The following STK3 variants were observed in gnomAD, a reference collection of about 807,000 sequenced individuals.
The protein encoded by STK3 is serine/threonine-protein kinase 3.
Under a neutral mutation model 58.0 loss-of-function variants are expected in STK3, and 41 were observed. The ratio of observed to expected loss-of-function variants is 0.71; its 90% CI spans 0.55 to 0.92. The LOEUF (loss-of-function observed/expected upper bound fraction) is 0.92, where lower values mean the gene tolerates loss of function less well. Ranked by LOEUF, STK3 falls within the 40% of genes least tolerant of loss-of-function variation. The probability of loss-of-function intolerance (pLI) is 0.00; values close to 1 mark genes in which losing one functional copy is unlikely to be tolerated. For missense variants in STK3, 479 were observed against 602.7 expected, an observed-to-expected ratio of 0.79 and a Z score of 2.15; for synonymous variants, 170 against 191.0, an observed-to-expected ratio of 0.89 and a Z score of 0.91.
chr8:98,758,500 C>G (rs976642384), intron 3 of STK3, among the ~76,000 whole-genome samples: 12 of 152,126 alleles, frequency 7.9e-5, no homozygotes, highest in Non-Finnish European at 1.5e-5. Context: ...TCAATATACA[C>G]AAATGAATAA....
intron 1 of STK3, among the ~76,000 whole-genome samples, chr8:98,822,594 G>A (rs1471618051): frequency 1.3e-5 from 2 of 152,150 alleles, no homozygotes; most frequent in African/African-American, 2.4e-5. Context: ...AAAGTACTCA[G>A]AAAACATACT....
intron 1 of STK3, among the ~76,000 whole-genome samples, chr8:98,817,466 A>AAC (rs1301442475): frequency 1.3e-5 from 2 of 151,822 alleles, no homozygotes; most frequent in Non-Finnish European, 2.9e-5. Context: ...AAAAAAAAAA[A>AAC]AAATAGAAAT....
intron 1 of STK3, among the ~76,000 whole-genome samples, chr8:98,903,552 TCTTCC>T (rs1258012776): frequency 0.021 from 782 of 38,058 alleles, 29 homozygotes; most frequent in South Asian, 0.029. Context: ...TTCTTCTTCT[TCTTCC>T]TTTTTTTTTT....
chr8:98,665,540 G>A (rs1482167084), intron 6 of STK3, among the ~76,000 whole-genome samples: 1 of 151,882 alleles, frequency 6.6e-6, no homozygotes, highest in African/African-American at 2.4e-5. Flanking sequence ...TGGGACTACA[G>A]GTATGTGCAA....
At chr8:98,492,100 G>A (rs909676664) in intron 10 of STK3, among the ~76,000 whole-genome samples, 15 of 152,232 alleles carry the variant, frequency 9.9e-5, no homozygotes, top group East Asian at 1.9e-4. Context: ...TACATCATTC[G>A]TTTGTTATTA....
intron 1 of STK3, among the ~76,000 whole-genome samples, chr8:98,893,657 G>A (rs1167444522): frequency 6.6e-6 from 1 of 152,042 alleles, no homozygotes; most frequent in African/African-American, 2.4e-5. Context: ...CAAAGCTTGA[G>A]TTCTGTTCCT....
chr8:98,929,262 C>G (rs1481581171), intron 1 of STK3, among the ~76,000 whole-genome samples: 2 of 152,096 alleles, frequency 1.3e-5, no homozygotes, highest in South Asian at 2.1e-4. Context: ...AAAACTCCAT[C>G]TCAAAAAATG....
Position 98,579,664 on chromosome 8 carries a change from C to A in STK3, c.948G>T (p.Ser316=), listed in dbSNP as rs774171930. 2 of 1,601,392 alleles carry A rather than the reference C, an allele frequency of 1.2e-6. No homozygotes were observed. The highest frequency in any genetic ancestry group is 2.3e-5 in the East Asian group (1 of 44,412). The part of the protein sequence containing the change: ...QRELEEEEEN[S]DEDELDSHTM... The stretch of plus-strand genomic sequence containing the variant: ...CAACTTTTTGAAGATAATTACAAAC[C>A]GAATTTTCTTCTTCCTCTTCCAATT... The change falls in exon 8 of 11, where the codon TCG becomes TCT. Residue 316 remains serine, a splice_region_variant and synonymous_variant. Transcript: ENST00000419617.
At chr8:98,552,933 T>A (rs1451983678) in intron 8 of STK3, among the ~76,000 whole-genome samples, 1 of 152,190 alleles carries the variant, frequency 6.6e-6, no homozygotes, top group East Asian at 1.9e-4. Context: ...TAATTCCATT[T>A]CAGTTTTTAG....
chr8:98,531,636 C>T (rs549175854), intron 9 of STK3, among the ~76,000 whole-genome samples: 1 of 152,322 alleles, frequency 6.6e-6, no homozygotes, highest in South Asian at 2.1e-4. Flanking sequence ...CAGGCATTGA[C>T]TTCTCCTCTG....
At chr8:98,791,391 C>G (rs375562127) in intron 1 of STK3, among the ~76,000 whole-genome samples, 1 of 152,156 alleles carries the variant, frequency 6.6e-6, no homozygotes. Context: ...AATGACCATA[C>G]TGCCAAAAGC....
At chr8:98,864,106 G>A (rs1837039064) in intron 3 of STK3, among the ~76,000 whole-genome samples, 1 of 149,846 alleles carries the variant, frequency 6.7e-6, no homozygotes, top group South Asian at 2.1e-4. Flanking sequence ...GGCTGAGGCA[G>A]GAGAATGGCA....
At chr8:98,925,165 C>T (rs1457305221) in intron 1 of STK3, among the ~76,000 whole-genome samples, 2 of 152,200 alleles carry the variant, frequency 1.3e-5, no homozygotes, top group Admixed American at 1.3e-4. Context: ...TCATCAGACT[C>T]AATGCTACTT....
At chr8:98,908,407 G>A (rs1437532686) in intron 1 of STK3, among the ~76,000 whole-genome samples, 1 of 152,148 alleles carries the variant, frequency 6.6e-6, no homozygotes, top group African/African-American at 2.4e-5. Flanking sequence ...TTTCTTTTTG[G>A]GTGGGCATGA....
intron 4 of STK3, among the ~76,000 whole-genome samples, chr8:98,721,872 T>G (rs1443707965): frequency 1.3e-5 from 2 of 152,110 alleles, no homozygotes. Context: ...CAAGAAGCAC[T>G]AGGAAACATT....
At chr8:98,774,086 G>A (rs755245587) in intron 2 of STK3, among the ~76,000 whole-genome samples, 8 of 152,040 alleles carry the variant, frequency 5.3e-5, no homozygotes, top group African/African-American at 7.3e-5. Flanking sequence ...GTGAGCCACC[G>A]CGACCGGCCT....
intron 3 of STK3, among the ~76,000 whole-genome samples, chr8:98,761,754 A>T (rs907551317): frequency 6.6e-6 from 1 of 152,214 alleles, no homozygotes; most frequent in Non-Finnish European, 1.5e-5. Flanking sequence ...CCAAAGTTCA[A>T]ATTGCTGATA....
chr8:98,481,950 A>G (rs535922560), intron 10 of STK3, among the ~76,000 whole-genome samples: 18 of 152,336 alleles, frequency 1.2e-4, no homozygotes, highest in Admixed American at 8.5e-4. Flanking sequence ...CATGTATTCA[A>G]CTGAAGCTAG....
chr8:98,742,668 G>A (rs1337180538), intron 4 of STK3, among the ~76,000 whole-genome samples: 1 of 150,144 alleles, frequency 6.7e-6, no homozygotes, highest in Non-Finnish European at 1.5e-5. Context: ...TTGAAAACTG[G>A]CACAAGACAG....
Sources: gnomAD v4.1 joint callset for allele counts (sites outside exome capture counted in the v4.1 genomes callset) on GRCh38, gnomAD v4.1.1 for gene constraint, MANE v1.5 for transcripts, NCBI Gene and HGNC (gene_info 2026-07-23, HGNC 2026-07-21) for gene names.